SLC24A2: variants seen among roughly 807,000 people sequenced by gnomAD.
SLC24A2 encodes the protein sodium/potassium/calcium exchanger 2.
Under a neutral mutation model 62.0 loss-of-function variants are expected in SLC24A2, and 36 were observed. That is an observed-to-expected ratio of 0.58 (90% confidence interval 0.44 to 0.77). The LOEUF (loss-of-function observed/expected upper bound fraction) is 0.77, where lower values mean the gene tolerates loss of function less well. Ranked by LOEUF, SLC24A2 falls within the 30% of genes least tolerant of loss-of-function variation. The pLI is 0.00. For synonymous variants in SLC24A2, 358 were observed against 294.0 expected (o/e 1.22, Z -2.23); for missense variants, 846 against 817.9 (o/e 1.03, Z -0.42).
chr9:20,031,237 G>A, the SLC24A2 span, among the ~76,000 whole-genome samples: 2 of 149,798 alleles, frequency 1.3e-5, no homozygotes, highest in Non-Finnish European at 3.0e-5. Context: ...CCCTGTGTGT[G>A]TGTGTTATTT....
chr9:20,014,495 G>GATATATATATATATAT, the SLC24A2 span, among the ~76,000 whole-genome samples: 23 of 140,740 alleles, frequency 1.6e-4, no homozygotes, highest in African/African-American at 5.3e-4. Flanking sequence ...AGAAAAATGT[G>GATATATATATATATAT]ATATATATAT....
At chr9:20,223,316 T>C in the SLC24A2 span, among the ~76,000 whole-genome samples, 2 of 152,144 alleles carry the variant, frequency 1.3e-5, no homozygotes, top group Non-Finnish European at 2.9e-5. Flanking sequence ...AGATATCATC[T>C]TTTCAAATTG....
the SLC24A2 span, among the ~76,000 whole-genome samples, chr9:19,981,673 G>T: frequency 6.6e-6 from 1 of 152,290 alleles, no homozygotes; most frequent in East Asian, 1.9e-4. Context: ...TGTGTCACTG[G>T]CTACACTTGG....
At chr9:20,061,399 G>T in the SLC24A2 span, among the ~76,000 whole-genome samples, 9 of 151,928 alleles carry the variant, frequency 5.9e-5, no homozygotes. Context: ...TGATTGTCCT[G>T]CCTCAGCCTC....
chr9:19,637,331 G>A (rs189103186), intron 2 of SLC24A2, among the ~76,000 whole-genome samples: 1 of 152,218 alleles, frequency 6.6e-6, no homozygotes, highest in African/African-American at 2.4e-5. Context: ...GTCTGCCCTG[G>A]GCATCAGGCA....
At chr9:20,000,334 A>C in the SLC24A2 span, among the ~76,000 whole-genome samples, 1 of 152,204 alleles carries the variant, frequency 6.6e-6, no homozygotes. Context: ...GCTAGTATGC[A>C]GCTAGTTAGT....
At chr9:20,127,162 G>T in the SLC24A2 span, among the ~76,000 whole-genome samples, 1 of 151,442 alleles carries the variant, frequency 6.6e-6, no homozygotes, top group Non-Finnish European at 1.5e-5. Flanking sequence ...TTTTCCCAAT[G>T]CTCTGGTTCC....
At chr9:20,266,279 T>C in the SLC24A2 span, among the ~76,000 whole-genome samples, 29,671 of 152,046 alleles carry the variant, frequency 0.2, 4,291 homozygotes, top group East Asian at 0.54. Context: ...ACATGTGATG[T>C]CTCCCCCGGA....
chr9:20,190,429 T>A, the SLC24A2 span, among the ~76,000 whole-genome samples: 28 of 152,202 alleles, frequency 1.8e-4, no homozygotes, highest in African/African-American at 6.5e-4. Context: ...TCAATAAACA[T>A]ATAAATGTCT....
intron 2 of SLC24A2, among the ~76,000 whole-genome samples, chr9:19,682,217 T>C (rs1819743586): frequency 6.6e-6 from 1 of 152,138 alleles, no homozygotes; most frequent in Admixed American, 6.6e-5. Context: ...CATCCACAAA[T>C]GTTCCCTGGG....
chr9:19,910,919 ATT>A, the SLC24A2 span, among the ~76,000 whole-genome samples: 1 of 137,370 alleles, frequency 7.3e-6, no homozygotes, highest in Non-Finnish European at 1.6e-5. Flanking sequence ...TTTATTTTTT[ATT>A]TTATTATTAT....
At chr9:19,859,591 A>T in the SLC24A2 span, among the ~76,000 whole-genome samples, 1 of 152,220 alleles carries the variant, frequency 6.6e-6, no homozygotes, top group East Asian at 1.9e-4. Context: ...CACCAAATAA[A>T]CAACTATCTA....
At position 19,513,037 on chromosome 9, in the gene SLC24A2, C is replaced by A. The variant is rs558901858; in HGVS notation, c.*3116G>T. 1 of 151,464 alleles carries A rather than the reference C, an allele frequency of 6.6e-6. No individual in the cohort carries two copies. The highest frequency in any genetic ancestry group is 2.0e-4 in the East Asian group (1 of 5,126). The allele number at this position is 151,464 out of a possible 1,614,324, so 9.4% of individuals were successfully genotyped here. A position where few individuals can be genotyped will look rare whatever the true frequency, so the allele number is the denominator to read the frequency against. On this transcript the variant is annotated 3_prime_UTR_variant, in exon 11 of 11. Transcript: ENST00000341998. ...CCCTTTGGTTTGTGTGCATGACTTT[C>A]CTTTTCCTTGACTTTGGCAAACTTG...
chr9:20,044,354 T>A, the SLC24A2 span, among the ~76,000 whole-genome samples: 4 of 152,122 alleles, frequency 2.6e-5, no homozygotes, highest in Non-Finnish European at 4.4e-5. Flanking sequence ...AGGTCTGCAA[T>A]CACAAAAGAC....
At chr9:20,267,959 T>C in the SLC24A2 span, among the ~76,000 whole-genome samples, 1 of 152,050 alleles carries the variant, frequency 6.6e-6, no homozygotes, top group African/African-American at 2.4e-5. Flanking sequence ...AACCTCCCCA[T>C]CCCACTGGGT....
At chr9:19,795,025 C>T in the SLC24A2 span, among the ~76,000 whole-genome samples, 4 of 152,238 alleles carry the variant, frequency 2.6e-5, no homozygotes, top group Non-Finnish European at 5.9e-5. Context: ...TAGGACAAGC[C>T]AGAAGGAAGG....
At chr9:20,291,840 T>C in the SLC24A2 span, among the ~76,000 whole-genome samples, 5 of 152,088 alleles carry the variant, frequency 3.3e-5, no homozygotes, top group African/African-American at 9.6e-5. Context: ...CAAAGCAACA[T>C]GATCAGAATG....
intron 1 of SLC24A2, among the ~76,000 whole-genome samples, chr9:19,787,463 G>A (rs1823208859): frequency 6.6e-6 from 1 of 152,114 alleles, no homozygotes; most frequent in South Asian, 2.1e-4. Flanking sequence ...ATTATTCATT[G>A]TTTACTTTTG....
the SLC24A2 span, among the ~76,000 whole-genome samples, chr9:20,057,294 C>A: frequency 3.3e-5 from 5 of 152,022 alleles, no homozygotes; most frequent in Non-Finnish European, 4.4e-5. Flanking sequence ...TATTAGTAAC[C>A]CATTCCCTAA....
Sources: gnomAD v4.1 joint callset for allele counts (sites outside exome capture counted in the v4.1 genomes callset) on GRCh38, gnomAD v4.1.1 for gene constraint, MANE v1.5 for transcripts, NCBI Gene and HGNC (gene_info 2026-07-23, HGNC 2026-07-21) for gene names.